Variants in JAK3 observed in about 807,000 individuals in gnomAD.
JAK3 encodes the protein Janus kinase 3, also known as tyrosine-protein kinase JAK3.
A neutral mutation model predicts 120.8 loss-of-function variants in JAK3; 88 were observed. That is an observed-to-expected ratio of 0.73 (90% CI 0.61 to 0.87). JAK3 has a LOEUF of 0.87. Ranked by LOEUF, JAK3 falls within the 40% of genes least tolerant of loss-of-function variation. The probability of loss-of-function intolerance (pLI) is 0.00; values close to 1 mark genes in which losing one functional copy is unlikely to be tolerated. For missense variants in JAK3, 1,254 were observed against 1,501.4 expected, an observed-to-expected ratio of 0.84 and a Z score of 2.72; for synonymous variants, 592 against 628.6, an observed-to-expected ratio of 0.94 and a Z score of 0.87.
At position 17,831,493 on chromosome 19, in the gene JAK3, C is replaced by A; in HGVS notation, c.2806-93G>T. ...CCTGGCACCCCAACCCAGACCCCAA[C>A]TATAACCCTACCCCCGAGCCATCCT... On this transcript the variant is annotated intron_variant, in intron 20 of 23. Coordinates refer to ENST00000458235, the MANE Select transcript of JAK3 (RefSeq NM_000215.4). This position sits in a 1 kb window ranked among gnomAD's most constrained non-coding sequence, Gnocchi z 5.1. The A allele has an allele frequency of 6.4e-7, 1 of 1,557,550 alleles. No individual in the cohort carries two copies. The highest frequency in any genetic ancestry group is 1.1e-5 in the South Asian group (1 of 89,610).
chr19:17,843,039 A>G lies in JAK3; in HGVS notation c.554T>C (p.Leu185Pro). ...TGGTGGCTCTCACCTGACAGTCTTC[A>G]GCAGCTCTCCCGGCCGCTGGGCCTG... ...REQAQRPGEL[L>P]KTVSYKACLP... Residue 185 changes from leucine (L) to proline (P), a missense_variant, in exon 5 of 24, where the codon CTG (leucine) becomes CCG (proline). Transcript: ENST00000458235. This position sits in a 1 kb window ranked among gnomAD's most constrained non-coding sequence, Gnocchi z 5.4. 6.2e-7 allele frequency: 1 copy of G among 1,610,700 alleles called. No individual in the cohort carries two copies. The highest frequency in any genetic ancestry group is 8.5e-7 in the Non-Finnish European group (1 of 1,179,928).
Position 17,843,747 on chromosome 19 carries a change from A to G in JAK3, c.308+30T>C. 1 of 1,612,202 alleles carries G rather than the reference A, an allele frequency of 6.2e-7. No homozygotes were observed. Among genetic ancestry groups the G allele is most frequent in the Non-Finnish European group, 8.5e-7 (1 of 1,179,490 alleles). ...ATGCAAGGAGATGATAAAATTGTAC[A>G]ATCCCTGGGGGCTGGGGGGCACTTC... On this transcript the variant is annotated intron_variant, in intron 3 of 23. Coordinates refer to ENST00000458235, the MANE Select transcript of JAK3 (RefSeq NM_000215.4). The surrounding 1 kb of genome is among the most constrained non-coding windows in gnomAD (Gnocchi z 5.4).
intron 23 of JAK3, 108 bp from the exon 24 acceptor site, chr19:17,827,018 T>C: frequency 1.6e-6 from 2 of 1,276,330 alleles, no homozygotes; most frequent in South Asian, 1.4e-5. Context: ...CTAGCTCTGT[T>C]GTCCAGGCTG....
Position 17,830,282 on chromosome 19 carries a change from AC to A in JAK3, c.3097-65del, listed in dbSNP as rs1843552990. 1.5e-5 allele frequency: 18 copies of A among 1,191,040 alleles called. No individual in the cohort carries two copies. In the South Asian group the frequency reaches 2.1e-4, roughly 14 times the overall value. The allele number at this position is 1,191,040 out of a possible 1,614,324, so 73.8% of individuals were successfully genotyped here. On this transcript the variant is annotated intron_variant, in intron 22 of 23. Coordinates refer to ENST00000458235, the MANE Select transcript of JAK3 (RefSeq NM_000215.4). ...CTCCGTGGGTGGAGGGGGAGGGGCCACCCGTGGTGGGGGTAGGGGCCATCTG... is the reference window on the plus strand; with the variant it reads ...CTCCGTGGGTGGAGGGGGAGGGGCCACCGTGGTGGGGGTAGGGGCCATCTG...
Position 17,843,096 on chromosome 19 carries a change from G to T in JAK3, c.497C>A (p.Ala166Asp). 6.2e-7 allele frequency: 1 copy of T among 1,610,310 alleles called. No individual in the cohort carries two copies. The stretch of plus-strand genomic sequence containing the variant: ...CGCCATCCGGGCCAGGTCCAACACG[G>T]CCAGGCTGAGACACTCACCCTGCTC... The part of the protein sequence containing the change: ...LKEQGECLSL[A>D]VLDLARMARE... Residue 166 changes from alanine (A) to aspartate (D), a missense_variant, in exon 5 of 24, where the codon GCC (alanine) becomes GAC (aspartate). By Grantham distance (126) the Ala-to-Asp change is moderately radical (BLOSUM62 -2). This residue lies in a region of JAK3 where 486 missense variants were observed against 503.0 expected (regional missense o/e 0.97). Coordinates refer to ENST00000458235, the MANE Select transcript of JAK3 (RefSeq NM_000215.4). The surrounding 1 kb of genome is among the most constrained non-coding windows in gnomAD (Gnocchi z 5.4).
At chr19:17,838,164 A>T (rs2147688012) in intron 11 of JAK3, 99 bp downstream of exon 11, 13 of 1,612,480 alleles carry the variant, frequency 8.1e-6, no homozygotes, top group Non-Finnish European at 1.0e-5. Flanking sequence ...CAGATGGGAA[A>T]ACCGAGGCAA....
chr19:17,843,870 G>C lies in JAK3; in HGVS notation c.215C>G (p.Ala72Gly). Residue 72 changes from alanine (A) to glycine (G), a missense_variant, in exon 3 of 24, where the codon GCT becomes GGT. Ala to Gly is a moderately conservative substitution (Grantham distance 60). Around this residue, in one of 3 missense-constraint regions of JAK3, gnomAD observed 138 missense variants for 178.7 expected, o/e 0.77. Transcript: ENST00000458235. This position sits in a 1 kb window ranked among gnomAD's most constrained non-coding sequence, Gnocchi z 5.4. ...GILPVYHSLFALATEDLSCWF... is the reference protein window; with the variant it reads ...GILPVYHSLFGLATEDLSCWF... ...GCAGGACAGGTCCTCCGTGGCCAGA[G>C]CAAAGAGGGAGTGGTACACAGGCAG... 6.2e-7 allele frequency: 1 copy of C among 1,613,686 alleles called. No individual in the cohort carries two copies. The highest frequency in any genetic ancestry group is 8.5e-7 in the Non-Finnish European group (1 of 1,179,974).
intron 1 of JAK3, among the ~76,000 whole-genome samples, chr19:17,847,324 G>C (rs1013544684): frequency 2.0e-5 from 3 of 152,028 alleles, no homozygotes; most frequent in Non-Finnish European, 4.4e-5. Context: ...AACATAGCAA[G>C]ACTCCCATCT....
In JAK3 at chr19:17,830,952, T is replaced by A. The variant is rs1251426316; in HGVS notation, c.2978+276A>T. On this transcript the variant is annotated intron_variant, in intron 21 of 23. Transcript: ENST00000458235. ...CCAGCCCTGAGGGGCGGAGCCAGCG[T>A]GTTGGAGGGGTGGGGTTCTGAAGCT... Among the ~76,000 whole-genome samples, 3 of 80,304 alleles carry A rather than the reference T, an allele frequency of 3.7e-5. No homozygotes were observed. In the Admixed American group the frequency reaches 4.3e-4, roughly 12 times the overall value. 52.7% of individuals were successfully genotyped at this position (80,304 alleles called of 152,430 possible).
chr19:17,834,848 T>C lies in JAK3; in HGVS notation c.2199+4A>G, dbSNP rs2094221083. 1.9e-6 allele frequency: 3 copies of C among 1,614,066 alleles called. No individual in the cohort carries two copies. Among genetic ancestry groups the C allele is most frequent in the Non-Finnish European group, 2.5e-6 (3 of 1,179,962 alleles). The stretch of plus-strand genomic sequence containing the variant: ...GAGACCGATGCCGGGTGAGGGGCTC[T>C]GACCTTAGCAGGATCCAGGGCACTG... On this transcript the variant is annotated splice_donor_region_variant and intron_variant, in intron 16 of 23. Transcript: ENST00000458235.
chr19:17,828,227 TTGTTTTGTTTTGTTTTGTTTTG>T (rs1219843076), intron 23 of JAK3, among the ~76,000 whole-genome samples: 4 of 64,984 alleles, frequency 6.2e-5, no homozygotes, highest in African/African-American at 1.5e-4. Context: ...AATTTTGTCT[TTGTTTTGTTTTGTTTTGTTTTG>T]TTTTGTTTTG....
chr19:17,837,141 T>C lies in JAK3; in HGVS notation c.1774A>G (p.Met592Val), dbSNP rs1568403741. 6 of 1,554,848 alleles carry C rather than the reference T, an allele frequency of 3.9e-6. No individual in the cohort carries two copies. The highest frequency in any genetic ancestry group is 1.2e-5 in the South Asian group (1 of 84,236). ...RHLVLLHGVC[M>V]AGDSTMVQEF... ...GGGGGGCTCTCACTGTCTCCAGCCA[T>C]GCACACGCCGTGGAGCAGCACGAGA... The change falls in exon 13 of 24, where the codon ATG becomes GTG. Residue 592 changes from methionine (M) to valine (V), a missense_variant. Coordinates refer to ENST00000458235, the MANE Select transcript of JAK3 (RefSeq NM_000215.4).
Position 17,825,442 on chromosome 19 carries a change from C to T in JAK3, c.*1301G>A, listed in dbSNP as rs2094202250. ...ACTGAAGCCCTAGGACACTCAGATA[C>T]CATTAGGGTGGACTGGGACCCCAGC... On this transcript the variant is annotated 3_prime_UTR_variant, in exon 24 of 24. Transcript: ENST00000458235. 1 of 217,502 alleles carries T rather than the reference C, an allele frequency of 4.6e-6. No homozygotes were observed. The highest frequency in any genetic ancestry group is 2.3e-5 in the African/African-American group (1 of 44,348). The allele number at this position is 217,502 out of a possible 1,614,324, so 13.5% of individuals were successfully genotyped here. A position where few individuals can be genotyped will look rare whatever the true frequency, so the allele number is the denominator to read the frequency against.
chr19:17,830,126 A>T lies in JAK3; in HGVS notation c.3189T>A (p.Pro1063=), dbSNP rs1007591322. The part of the protein sequence containing the change: ...LLEEGQRLPA[P]PACPAEVHEL... ...CGCTCACCTCAGCAGGGCAGGCAGG[A>T]GGCGCCGGCAGCCTCTGGCCCTCCT... is the stretch of plus-strand genomic sequence containing the variant. The change falls in exon 23 of 24, where the codon CCT becomes CCA. Residue 1063 remains proline (P), a synonymous_variant. Transcript: ENST00000458235. 3.2e-6 allele frequency: 5 copies of T among 1,582,802 alleles called. No individual in the cohort carries two copies. The highest frequency in any genetic ancestry group is 1.2e-5 in the South Asian group (1 of 86,594).
Position 17,831,827 on chromosome 19 carries a change from G to A in JAK3, c.2681-29C>T, listed in dbSNP as rs1055538795. The A allele has an allele frequency of 3.1e-6, 5 of 1,610,126 alleles. No individual in the cohort carries two copies. The highest frequency in any genetic ancestry group is 4.2e-6 in the Non-Finnish European group (5 of 1,178,266). On this transcript the variant is annotated intron_variant, in intron 19 of 23. Transcript: ENST00000458235. The surrounding 1 kb of genome is among the most constrained non-coding windows in gnomAD (Gnocchi z 5.1). ...GAGAAGGCAGGATCTGTCACAGCAG[G>A]GCCCAGCCCTGCTCGTCCCCCCATT...
In JAK3 at chr19:17,832,408, G is replaced by A; in HGVS notation, c.2680+111C>T. ...CAAACCTGTAACCCATGTGAATCTG[G>A]ATCAATAATCACGTTCCCAGCCTAC... On this transcript the variant is annotated intron_variant, in intron 19 of 23. Coordinates refer to ENST00000458235, the MANE Select transcript of JAK3 (RefSeq NM_000215.4). The surrounding 1 kb of genome is among the most constrained non-coding windows in gnomAD (Gnocchi z 4.7). 1.9e-6 allele frequency: 2 copies of A among 1,076,040 alleles called. No individual in the cohort carries two copies. The highest frequency in any genetic ancestry group is 1.4e-6 in the Non-Finnish European group (1 of 697,192). 66.7% of individuals were successfully genotyped at this position (1,076,040 alleles called of 1,614,324 possible). A position where few individuals can be genotyped will look rare whatever the true frequency, so the allele number is the denominator to read the frequency against.
rs2094243729 is a variant in JAK3 at position 17,843,022 on chromosome 19, C to G, written c.566+5G>C. 6.2e-7 allele frequency: 1 copy of G among 1,609,982 alleles called. No individual in the cohort carries two copies. The highest frequency in any genetic ancestry group is 1.1e-5 in the South Asian group (1 of 91,082). On this transcript the variant is annotated splice_donor_5th_base_variant and intron_variant, in intron 5 of 23. Transcript: ENST00000458235. This position sits in a 1 kb window ranked among gnomAD's most constrained non-coding sequence, Gnocchi z 5.4. ...AGGCCGTCCCCACAGCCTGGTGGCT[C>G]TCACCTGACAGTCTTCAGCAGCTCT...
chr19:17,845,671 C>G (rs1371564822), intron 1 of JAK3, among the ~76,000 whole-genome samples: 1 of 152,132 alleles, frequency 6.6e-6, no homozygotes, highest in African/African-American at 2.4e-5. Flanking sequence ...ATGCCTTCAG[C>G]TCTGCAAGTT....
rs2147698845 is a variant in JAK3 at position 17,843,088 on chromosome 19, C to A, written c.505G>T (p.Asp169Tyr). The A allele has an allele frequency of 6.2e-7, 1 of 1,610,642 alleles. No homozygotes were observed. The highest frequency in any genetic ancestry group is 8.5e-7 in the Non-Finnish European group (1 of 1,179,956). Residue 169 changes from aspartate (D) to tyrosine (Y), a missense_variant, in exon 5 of 24, where the codon GAC becomes TAC. Transcript: ENST00000458235. The surrounding 1 kb of genome is among the most constrained non-coding windows in gnomAD (Gnocchi z 5.4). ...TGCTCTCGCGCCATCCGGGCCAGGT[C>A]CAACACGGCCAGGCTGAGACACTCA... The part of the protein sequence containing the change: ...QGECLSLAVL[D>Y]LARMAREQAQ...
Sources: gnomAD v4.1 joint callset for allele counts (sites outside exome capture counted in the v4.1 genomes callset) on GRCh38, gnomAD v4.1.1 for gene constraint, gnomAD v4.1.1 regional missense constraint, Gnocchi (gnomAD v3.1) non-coding constraint, MANE v1.5 for transcripts, NCBI Gene and HGNC (gene_info 2026-07-23, HGNC 2026-07-21) for gene names.